The following DMD variants were observed in gnomAD, a reference collection of about 807,000 sequenced individuals.
DMD encodes mutant dystrophin.
DMD carries 63 observed loss-of-function variants against 330.1 expected under a neutral mutation model. That is an observed-to-expected ratio of 0.19 (90% CI 0.16 to 0.24). The LOEUF (loss-of-function observed/expected upper bound fraction) is 0.24. DMD is among the 10% of genes least tolerant of loss of function. The pLI is 1.00. For synonymous variants in DMD, 1,223 were observed against 959.8 expected (o/e 1.27, Z -5.07); for missense variants, 3,344 against 2,684.1 (o/e 1.25, Z -5.43).
chrX:32,258,094 C>A (rs1191986164), intron 43 of DMD, among the ~76,000 whole-genome samples: 1 of 111,436 alleles, frequency 9.0e-6, no homozygotes, highest in Non-Finnish European at 1.9e-5. Flanking sequence ...TAGAGGAATG[C>A]AAATCAAAAC....
intron 28 of DMD, among the ~76,000 whole-genome samples, 176 bp from the exon 29 acceptor site, chrX:32,438,566 C>G (rs1323589559): frequency 8.9e-6 from 1 of 111,777 alleles, no homozygotes; most frequent in Non-Finnish European, 1.9e-5. Flanking sequence ...AATAGGATGT[C>G]ATTCTATATG....
rs1330316115 is a variant in DMD, at chrX:32,805,927, CA to C, written c.649+3565del. Among the ~76,000 whole-genome samples the C allele has an allele frequency of 1.7e-4, 19 of 112,002 alleles. No homozygotes were observed. In the Admixed American group the frequency reaches 1.7e-3, roughly 10 times the overall value. On this transcript the variant is annotated intron_variant, in intron 7 of 78. Transcript: ENST00000357033. ...CAGGCCTGTCTTACAAGAGCTCCTT[CA>C]GGAAGCACTAAATATGGCAAGGACA...
chrX:33,234,100 C>A (rs767985937), intron 1 of DMD, among the ~76,000 whole-genome samples: 4 of 111,660 alleles, frequency 3.6e-5, no homozygotes, highest in South Asian at 3.7e-4. Flanking sequence ...TGCTCTATAC[C>A]GGTCCTCAGA....
chrX:31,501,919 C>A (rs1326270454), intron 56 of DMD, among the ~76,000 whole-genome samples: 1 of 111,244 alleles, frequency 9.0e-6, no homozygotes, highest in East Asian at 2.8e-4. Context: ...GCCATAAAAA[C>A]AGACACAAAG....
At chrX:31,539,861 CAT>C (rs2073687170) in intron 55 of DMD, among the ~76,000 whole-genome samples, 1 of 111,876 alleles carries the variant, frequency 8.9e-6, no homozygotes, top group Admixed American at 9.5e-5. Context: ...ACAGGAAAGA[CAT>C]AGTCCCTATC....
chrX:32,240,570 C>T (rs1240838448), intron 43 of DMD, among the ~76,000 whole-genome samples: 1 of 111,666 alleles, frequency 9.0e-6, no homozygotes, highest in East Asian at 2.8e-4. Flanking sequence ...TAAAACTTGA[C>T]TAAAAATAGT....
chrX:33,001,120 G>A (rs978054782), intron 2 of DMD, among the ~76,000 whole-genome samples: 1 of 111,488 alleles, frequency 9.0e-6, no homozygotes, highest in Non-Finnish European at 1.9e-5. Context: ...CCTGATATAG[G>A]AACTGAATTT....
rs145374355 is a variant in DMD at position 32,983,138 on chromosome X, A to G, written c.93+37001T>C. On this transcript the variant is annotated intron_variant, in intron 2 of 78. Coordinates refer to ENST00000357033, the MANE Select transcript of DMD (RefSeq NM_004006.3). ...CAGAGACTTAGAATTGGAGGCTTCA[A>G]TGGACCTGAATAAATATATTTACTG... is the stretch of plus-strand genomic sequence containing the variant. Among the ~76,000 whole-genome samples, 218 of 111,360 alleles carry G rather than the reference A, an allele frequency of 2.0e-3. 1 individual carries two copies. The highest frequency in any genetic ancestry group is 6.9e-3 in the African/African-American group (212 of 30,675).
At chrX:31,986,740 A>G (rs986362480) in intron 44 of DMD, among the ~76,000 whole-genome samples, 1 of 112,319 alleles carries the variant, frequency 8.9e-6, no homozygotes, top group Admixed American at 9.4e-5. Context: ...TGTATTTTCA[A>G]ACTTTTCTAC....
chrX:32,719,683 G>A (rs368719491), intron 7 of DMD, among the ~76,000 whole-genome samples: 14 of 111,042 alleles, frequency 1.3e-4, no homozygotes, highest in African/African-American at 4.2e-4. Flanking sequence ...TTACTTTTGT[G>A]TTCTTATTTA....
At chrX:32,062,054 G>T (rs1271226641) in intron 44 of DMD, among the ~76,000 whole-genome samples, 1 of 110,955 alleles carries the variant, frequency 9.0e-6, no homozygotes, top group African/African-American at 3.3e-5. Context: ...GAAATCTGAG[G>T]TGTCAGTTTT....
At chrX:32,758,212 G>T (rs1205658166) in intron 7 of DMD, among the ~76,000 whole-genome samples, 2 of 111,523 alleles carry the variant, frequency 1.8e-5, no homozygotes, top group Non-Finnish European at 3.8e-5. Context: ...TTGCTTTGGG[G>T]GAAAACTCAA....
intron 1 of DMD, among the ~76,000 whole-genome samples, chrX:33,057,565 C>G (rs1191055360): frequency 8.9e-6 from 1 of 111,968 alleles, no homozygotes; most frequent in East Asian, 2.8e-4. Flanking sequence ...AATAAAAATT[C>G]TGCACATTTC....
At chrX:33,156,961 A>G (rs1261079242) in intron 1 of DMD, among the ~76,000 whole-genome samples, 1 of 111,876 alleles carries the variant, frequency 8.9e-6, no homozygotes, top group East Asian at 2.8e-4. Flanking sequence ...CATGCATTAT[A>G]CGATAAAAGA....
At chrX:31,279,290 T>C (rs1162729941) in intron 62 of DMD, among the ~76,000 whole-genome samples, 1 of 112,595 alleles carries the variant, frequency 8.9e-6, no homozygotes, top group Non-Finnish European at 1.9e-5. Context: ...GCACACTCCA[T>C]TTTACCTACA....
At chrX:32,428,940 A>G (rs2098224425) in intron 29 of DMD, among the ~76,000 whole-genome samples, 1 of 111,148 alleles carries the variant, frequency 9.0e-6, no homozygotes, top group Non-Finnish European at 1.9e-5. Context: ...GAACTGTTAT[A>G]TTTTACTCCA....
At chrX:32,254,465 T>C in intron 43 of DMD, among the ~76,000 whole-genome samples, 1 of 112,382 alleles carries the variant, frequency 8.9e-6, no homozygotes, top group Non-Finnish European at 1.9e-5. Context: ...CTAGTTATGC[T>C]TACTGGGTAT....
chrX:31,135,971 G>T (rs1269174614), intron 76 of DMD, among the ~76,000 whole-genome samples: 1 of 96,944 alleles, frequency 1.0e-5, no homozygotes, highest in East Asian at 3.3e-4. Flanking sequence ...GGATTTTCAT[G>T]TTTGATTAGA....
intron 9 of DMD, among the ~76,000 whole-genome samples, chrX:32,659,684 T>C (rs912007901): frequency 9.0e-6 from 1 of 111,125 alleles, no homozygotes; most frequent in Non-Finnish European, 1.9e-5. Flanking sequence ...TATTCCATTT[T>C]ACCTTATACT....
Sources: allele counts gnomAD v4.1 joint callset (sites outside exome capture counted in the v4.1 genomes callset), GRCh38; gene constraint gnomAD v4.1.1; transcripts MANE v1.5; gene names NCBI Gene and HGNC (gene_info 2026-07-23, HGNC 2026-07-21).